Variants in EIF2D observed in about 807,000 individuals in gnomAD.
EIF2D encodes the protein hepatocellular carcinoma-associated antigen 56.
In EIF2D, 56 loss-of-function variants were observed where a neutral mutation model predicts 77.4. The observed-to-expected ratio is 0.72, with a 90% confidence interval of 0.58 to 0.90. The LOEUF (loss-of-function observed/expected upper bound fraction) is 0.90, where lower values mean the gene tolerates loss of function less well. EIF2D is among the 40% of genes least tolerant of loss of function. EIF2D has a pLI of 0.00. For synonymous variants in EIF2D, 230 were observed against 271.0 expected (o/e 0.85, Z 1.49); for missense variants, 574 against 706.5 (o/e 0.81, Z 2.13).
In EIF2D at chr1:206,603,199, G is replaced by A; in HGVS notation, c.536C>T (p.Ser179Phe). 1 of 1,612,530 alleles carries A rather than the reference G, an allele frequency of 6.2e-7. No individual in the cohort carries two copies. The highest frequency in any genetic ancestry group is 1.1e-5 in the South Asian group (1 of 91,042). The stretch of plus-strand genomic sequence containing the variant: ...GGAAGGTGGAGAGGACTTGTTTCCA[G>A]ACCGCCTGGAAAAATCTCATGTCAG... The part of the protein sequence containing the change: ...LHTYQDHLWR[S>F]GNKSSPPSIA... Residue 179 changes from serine to phenylalanine, a missense_variant, in exon 6 of 15, where the codon TCT becomes TTT. By Grantham distance (155) the Ser-to-Phe change is radical. Transcript: ENST00000271764.
At chr1:206,609,792 A>G (rs2102307618) in intron 2 of EIF2D, among the ~76,000 whole-genome samples, 1 of 152,334 alleles carries the variant, frequency 6.6e-6, no homozygotes, top group South Asian at 2.1e-4. Flanking sequence ...CCAGCTGTAT[A>G]AAATTTGGAA....
chr1:206,573,146 C>A (rs1668508860), intron 4 of EIF2D, among the ~76,000 whole-genome samples: 1 of 152,212 alleles, frequency 6.6e-6, no homozygotes, highest in African/African-American at 2.4e-5. Flanking sequence ...ATCTTCACAA[C>A]AAATGTATAA....
chr1:206,599,439 A>G lies in EIF2D; in HGVS notation c.1202+24T>C, dbSNP rs368961083. 1.1e-5 allele frequency: 17 copies of G among 1,612,068 alleles called. No homozygotes were observed. The highest frequency in any genetic ancestry group is 1.4e-5 in the Non-Finnish European group (16 of 1,179,398). On this transcript the variant is annotated intron_variant, in intron 10 of 14. Transcript: ENST00000271764. This position sits in a 1 kb window ranked among gnomAD's most constrained non-coding sequence, Gnocchi z 4.1. Reference sequence around the variant, plus strand: ...AGGCCAGAACACCAAGCAGGCAGAGAAGGGCTGCTCTCCAAAAACTCACTT... The same window carrying G: ...AGGCCAGAACACCAAGCAGGCAGAGGAGGGCTGCTCTCCAAAAACTCACTT...
downstream of EIF2D, among the ~76,000 whole-genome samples, chr1:206,590,199 C>T (rs114299568): frequency 7.3e-4 from 111 of 152,278 alleles, no homozygotes; most frequent in African/African-American, 2.6e-3. Flanking sequence ...GCAAATGTGT[C>T]ACCGTTACTG....
At chr1:206,588,845 C>A (rs1159239947), downstream of EIF2D, 1 of 152,838 alleles carries the variant, frequency 6.5e-6, no homozygotes, top group East Asian at 1.9e-4. Context: ...TTTCCTTCGT[C>A]CTGCATGTCT....
In EIF2D at chr1:206,605,503, G is replaced by A. The variant is rs201576433; in HGVS notation, c.427C>T (p.Pro143Ser). ...ATGGCTGCAACTCCAATGGCTACAG[G>A]GGCTCTAAGAAGAAGGAAGCCAGAG... ...CAISLVGNRAPVAIGVAAMST... is the reference protein window; with the variant it reads ...CAISLVGNRASVAIGVAAMST... The change falls in exon 5 of 15, where the codon CCT (proline) becomes TCT (serine). Residue 143 changes from proline (P) to serine (S), a missense_variant. Transcript: ENST00000271764. 2 of 1,613,758 alleles carry A rather than the reference G, an allele frequency of 1.2e-6. No homozygotes were observed. Among genetic ancestry groups the A allele is most frequent in the Non-Finnish European group, 1.7e-6 (2 of 1,179,810 alleles).
rs58564147 is a variant in EIF2D, at chr1:206,603,503, G to T, written c.531-299C>A. On this transcript the variant is annotated intron_variant, in intron 5 of 14. Transcript: ENST00000271764. ...AGACTGAGAAAGATTAAAGAAAAAG[G>T]AGTTTAAGATAAACTCCCAAAAATG... 933 of 274,142 alleles carry T rather than the reference G, an allele frequency of 3.4e-3. 3 individuals carry two copies. Among genetic ancestry groups the T allele is most frequent in the African/African-American group, 0.018 (843 of 45,818 alleles). The allele number at this position is 274,142 out of a possible 1,614,324, so 17.0% of individuals were successfully genotyped here. A position where few individuals can be genotyped will look rare whatever the true frequency, so the allele number is the denominator to read the frequency against.
chr1:206,591,443 G>A (rs2102270639), downstream of EIF2D, among the ~76,000 whole-genome samples: 1 of 152,254 alleles, frequency 6.6e-6, no homozygotes, highest in East Asian at 1.9e-4. Context: ...TTTGGTAGAA[G>A]GTCTTTAAAA....
At position 206,593,646 on chromosome 1, in the gene EIF2D, C is replaced by T. The variant is rs782170758; in HGVS notation, c.1657G>A (p.Val553Ile). The part of the protein sequence containing the change: ...SLQVQIQGNQ[V>I]HHLGWLLLEE... ...AGCAATAGCCAGCCGAGGTGGTGGA[C>T]CTGGTTTCCCTGGATCTGCACCTGA... Residue 553 changes from valine (V) to isoleucine (I), a missense_variant, in exon 14 of 15, where the codon GTC becomes ATC. Coordinates refer to ENST00000271764, the MANE Select transcript of EIF2D (RefSeq NM_006893.3). 6.2e-7 allele frequency: 1 copy of T among 1,610,512 alleles called. No individual in the cohort carries two copies. The highest frequency in any genetic ancestry group is 8.5e-7 in the Non-Finnish European group (1 of 1,177,194).
chr1:206,601,974 A>ATTCCTG (rs1669945515), intron 7 of EIF2D: 1 of 198,848 alleles, frequency 5.0e-6, no homozygotes. Flanking sequence ...CCAGAAGAAG[A>ATTCCTG]TTCCTGACAA....
chr1:206,575,537 A>G (rs1278274936), intron 4 of EIF2D, among the ~76,000 whole-genome samples: 2 of 152,108 alleles, frequency 1.3e-5, no homozygotes, highest in Non-Finnish European at 2.9e-5. Context: ...GCGGTTAGAA[A>G]TGTTCTTTGT....
chr1:206,608,439 T>C, intron 3 of EIF2D, 113 bp from the exon 4 acceptor site: 1 of 787,120 alleles, frequency 1.3e-6, no homozygotes, highest in South Asian at 2.2e-5. Context: ...GTATCAACTA[T>C]GTTTTTCATA....
chr1:206,582,171 G>A (rs1408775013), intron 2 of EIF2D, among the ~76,000 whole-genome samples: 1 of 152,200 alleles, frequency 6.6e-6, no homozygotes, highest in Admixed American at 6.5e-5. Context: ...GTGAACTTGA[G>A]AGAGAGCCAG....
At chr1:206,612,020 A>T (rs1447906024) in intron 1 of EIF2D, among the ~76,000 whole-genome samples, 3 of 152,180 alleles carry the variant, frequency 2.0e-5, no homozygotes, top group Admixed American at 2.0e-4. Flanking sequence ...ATTCTCCACA[A>T]CACCTTAAAT....
At chr1:206,583,224 C>G (rs782743609) in intron 2 of EIF2D, 1 of 1,316,736 alleles carries the variant, frequency 7.6e-7, no homozygotes, top group East Asian at 2.3e-5. Flanking sequence ...CTTTCTCACC[C>G]TGAGAACTAC....
At position 206,599,159 on chromosome 1, in the gene EIF2D, A is replaced by G; in HGVS notation, c.1203-67T>C. On this transcript the variant is annotated intron_variant, in intron 10 of 14. Transcript: ENST00000271764. The surrounding 1 kb of genome is among the most constrained non-coding windows in gnomAD (Gnocchi z 4.1). ...CCATGAGACAAAAATGCAGATGCCC[A>G]GACTCACTCCCTGCTGAGCAGGGAA... is the stretch of plus-strand genomic sequence containing the variant. 2.1e-6 allele frequency: 3 copies of G among 1,459,630 alleles called. No individual in the cohort carries two copies. The highest frequency in any genetic ancestry group is 3.5e-5 in the Admixed American group (2 of 56,582). 90.4% of individuals were successfully genotyped at this position (1,459,630 alleles called of 1,614,324 possible). A position where few individuals can be genotyped will look rare whatever the true frequency, so the allele number is the denominator to read the frequency against.
chr1:206,590,017 A>G (rs1018908077), downstream of EIF2D, among the ~76,000 whole-genome samples: 1 of 152,208 alleles, frequency 6.6e-6, no homozygotes, highest in African/African-American at 2.4e-5. Context: ...TTTTCATTGA[A>G]TCTCATATGG....
In EIF2D at chr1:206,591,928, A is replaced by G; in HGVS notation, c.1685-83T>C. 2.3e-6 allele frequency: 3 copies of G among 1,332,958 alleles called. No homozygotes were observed. In the South Asian group the frequency reaches 3.5e-5, roughly 16 times the overall value. The allele number at this position is 1,332,958 out of a possible 1,614,324, so 82.6% of individuals were successfully genotyped here. A position where few individuals can be genotyped will look rare whatever the true frequency, so the allele number is the denominator to read the frequency against. On this transcript the variant is annotated intron_variant, in intron 14 of 14. Transcript: ENST00000271764. Reference sequence around the variant, plus strand: ...CCTCCACCAGTCCCCGTTGCCTCACAATGTCATTCCACCCAGCTCAAACTC... The same window carrying G: ...CCTCCACCAGTCCCCGTTGCCTCACGATGTCATTCCACCCAGCTCAAACTC...
At chr1:206,587,238 G>A (rs1443960439), downstream of EIF2D, 14 of 432,478 alleles carry the variant, frequency 3.2e-5, no homozygotes, top group South Asian at 1.5e-4. Context: ...GTCCTCTCTC[G>A]ATCTGCAAGC....
Sources: gnomAD v4.1 joint callset for allele counts (sites outside exome capture counted in the v4.1 genomes callset) on GRCh38, gnomAD v4.1.1 for gene constraint, Gnocchi (gnomAD v3.1) non-coding constraint, MANE v1.5 for transcripts, NCBI Gene and HGNC (gene_info 2026-07-23, HGNC 2026-07-21) for gene names.